The following ANXA10 variants were observed in gnomAD, a reference collection of about 807,000 sequenced individuals.
The protein encoded by ANXA10 is annexin 14.
ANXA10 carries 49 observed loss-of-function variants against 53.5 expected under a neutral mutation model. The observed-to-expected ratio is 0.92, with a 90% CI of 0.73 to 1.16. ANXA10 has a LOEUF of 1.16. Ranked by LOEUF, ANXA10 falls within the 50% of genes most tolerant of loss-of-function variation. ANXA10 has a pLI of 0.00. For missense variants in ANXA10, 393 were observed against 394.4 expected (o/e 1.00, Z 0.03); for synonymous variants, 131 against 128.9 (o/e 1.02, Z -0.11).
At chr4:168,156,967 T>C (rs1254220968) in intron 3 of ANXA10, among the ~76,000 whole-genome samples, 5 of 152,120 alleles carry the variant, frequency 3.3e-5, no homozygotes, top group Non-Finnish European at 1.5e-5. Flanking sequence ...TAAAAAATCA[T>C]TCCTCTAGGG....
At chr4:168,097,656 C>T (rs1730573302) in intron 1 of ANXA10, among the ~76,000 whole-genome samples, 1 of 152,102 alleles carries the variant, frequency 6.6e-6, no homozygotes, top group Non-Finnish European at 1.5e-5. Flanking sequence ...CTTACATTAT[C>T]ATTGCCTGCC....
chr4:168,186,770 G>A (rs1348060805), intron 11 of ANXA10, among the ~76,000 whole-genome samples: 1 of 152,066 alleles, frequency 6.6e-6, no homozygotes, highest in Non-Finnish European at 1.5e-5. Context: ...ATGTAAAAGA[G>A]TATTTTTATT....
chr4:168,096,207 A>G (rs1468918589), intron 1 of ANXA10, among the ~76,000 whole-genome samples: 2 of 152,158 alleles, frequency 1.3e-5, no homozygotes, highest in Admixed American at 6.5e-5. Flanking sequence ...GTCTTTTCCT[A>G]TAGAAAGTAA....
At chr4:168,116,333 A>G (rs1299922455) in intron 1 of ANXA10, among the ~76,000 whole-genome samples, 1 of 152,194 alleles carries the variant, frequency 6.6e-6, no homozygotes, top group Non-Finnish European at 1.5e-5. Context: ...GGCTACAGAT[A>G]TGACCAGCTT....
intron 8 of ANXA10, among the ~76,000 whole-genome samples, chr4:168,178,759 T>G (rs1418506182): frequency 6.6e-6 from 1 of 152,174 alleles, no homozygotes; most frequent in African/African-American, 2.4e-5. Flanking sequence ...ACCCAAAAAG[T>G]TGATTTCATA....
At chr4:168,155,801 A>C (rs755898566) in intron 3 of ANXA10, among the ~76,000 whole-genome samples, 336 of 13,140 alleles carry the variant, frequency 0.026, 54 homozygotes, top group East Asian at 0.17. Flanking sequence ...TATAATATAT[A>C]ATATATGATA....
At chr4:168,131,922 T>C (rs1731161638) in intron 2 of ANXA10, among the ~76,000 whole-genome samples, 1 of 152,044 alleles carries the variant, frequency 6.6e-6, no homozygotes, top group Non-Finnish European at 1.5e-5. Flanking sequence ...TATTAAGAAA[T>C]AATTTTACTC....
At chr4:168,178,031 C>T in intron 8 of ANXA10, 48 bp downstream of exon 8, 2 of 1,541,116 alleles carry the variant, frequency 1.3e-6, no homozygotes, top group Non-Finnish European at 1.8e-6. Flanking sequence ...AATTATATAA[C>T]AAAAAGAAGG....
intron 3 of ANXA10, among the ~76,000 whole-genome samples, chr4:168,147,828 G>T (rs1325355703): frequency 6.6e-6 from 1 of 152,176 alleles, no homozygotes; most frequent in East Asian, 1.9e-4. Flanking sequence ...TCCACAATGG[G>T]AATAGGAAGA....
chr4:168,186,294 T>C (rs1578944259), intron 11 of ANXA10, among the ~76,000 whole-genome samples: 1 of 152,340 alleles, frequency 6.6e-6, no homozygotes, highest in East Asian at 1.9e-4. Context: ...TAGAAGACCA[T>C]TACAAGAAAA....
intron 6 of ANXA10, among the ~76,000 whole-genome samples, chr4:168,171,814 C>T (rs952940726): frequency 2.6e-5 from 4 of 152,116 alleles, no homozygotes; most frequent in African/African-American, 9.7e-5. Flanking sequence ...AAATTAGTCA[C>T]TTAGAGATTA....
At chr4:168,096,851 C>T (rs2149463329) in intron 1 of ANXA10, among the ~76,000 whole-genome samples, 1 of 145,354 alleles carries the variant, frequency 6.9e-6, no homozygotes, top group South Asian at 2.1e-4. Flanking sequence ...TGGCCTTCAG[C>T]TGCCCAATGC....
chr4:168,171,326 T>A (rs1305326001), intron 6 of ANXA10, among the ~76,000 whole-genome samples: 1 of 152,184 alleles, frequency 6.6e-6, no homozygotes, highest in Non-Finnish European at 1.5e-5. Flanking sequence ...TTTATGAGAT[T>A]CAGGTTTTTA....
rs140742854 is a variant in ANXA10, at chr4:168,095,749, A to C, written c.18+3031A>C. Among the ~76,000 whole-genome samples the C allele has an allele frequency of 2.8e-3, 422 of 152,282 alleles. 6 individuals carry two copies. The highest frequency in any genetic ancestry group is 9.6e-3 in the African/African-American group (400 of 41,558). ...AAAATACTAAGGTTCAGAAAAATTA[A>C]ATACTTTTCCCAGGAGTTAAAAGCC... On this transcript the variant is annotated intron_variant, in intron 1 of 11. Transcript: ENST00000359299.
chr4:168,164,060 T>C (rs959890221), intron 4 of ANXA10, 138 bp from the exon 5 acceptor site: 10 of 606,710 alleles, frequency 1.6e-5, no homozygotes, highest in Non-Finnish European at 2.6e-5. Flanking sequence ...AGATTGTGCC[T>C]GCCTTCATCC....
At chr4:168,136,269 T>C (rs1731236126) in intron 2 of ANXA10, among the ~76,000 whole-genome samples, 1 of 152,146 alleles carries the variant, frequency 6.6e-6, no homozygotes, top group African/African-American at 2.4e-5. Flanking sequence ...TCTTCTCACA[T>C]TGCAAAATAT....
chr4:168,183,554 A>G (rs1011567198), intron 10 of ANXA10, among the ~76,000 whole-genome samples: 1 of 152,242 alleles, frequency 6.6e-6, no homozygotes, highest in Non-Finnish European at 1.5e-5. Flanking sequence ...CTAATAGTAC[A>G]TGAAAACTGT....
At chr4:168,107,581 A>G (rs1399158229) in intron 1 of ANXA10, among the ~76,000 whole-genome samples, 3 of 152,194 alleles carry the variant, frequency 2.0e-5, no homozygotes, top group Non-Finnish European at 4.4e-5. Flanking sequence ...TTAGGCTACT[A>G]TAACAAAATA....
chr4:168,128,743 C>G (rs142444035), intron 2 of ANXA10, among the ~76,000 whole-genome samples: 1 of 151,960 alleles, frequency 6.6e-6, no homozygotes, highest in Non-Finnish European at 1.5e-5. Context: ...CTATGCCAAC[C>G]CCCCAGGCAC....
Sources: allele counts gnomAD v4.1 joint callset (sites outside exome capture counted in the v4.1 genomes callset), GRCh38; gene constraint gnomAD v4.1.1; transcripts MANE v1.5; gene names NCBI Gene and HGNC (gene_info 2026-07-23, HGNC 2026-07-21).